Variants in CAMK2G observed in about 807,000 individuals in gnomAD.
CAMK2G encodes the protein calcium/calmodulin dependent protein kinase II gamma.
In CAMK2G, 23 loss-of-function variants were observed where a neutral mutation model predicts 88.7. The observed-to-expected ratio is 0.26, with a 90% CI of 0.19 to 0.37. The LOEUF (loss-of-function observed/expected upper bound fraction) is 0.37, where lower values mean the gene tolerates loss of function less well. Among genes scored for constraint, CAMK2G ranks in the 10% least tolerant of loss-of-function variants. The pLI is 1.00. For missense variants in CAMK2G, 476 were observed against 780.8 expected, an observed-to-expected ratio of 0.61 and a Z score of 4.65; for synonymous variants, 263 against 294.8, an observed-to-expected ratio of 0.89 and a Z score of 1.11.
chr10:73,869,034 GAGA>G (rs2095703505), intron 2 of CAMK2G, among the ~76,000 whole-genome samples: 1 of 152,348 alleles, frequency 6.6e-6, no homozygotes. Flanking sequence ...ACACAATCTG[GAGA>G]AGGATGGGCC....
At chr10:73,831,462 CG>C (rs1565262548) in intron 14 of CAMK2G, among the ~76,000 whole-genome samples, 1 of 147,844 alleles carries the variant, frequency 6.8e-6, no homozygotes, top group Non-Finnish European at 1.5e-5. Flanking sequence ...TGTTTGAACC[CG>C]GGAGGCGGAG....
chr10:73,820,492 A>ATATATATATATATATTT (rs1554995765), intron 18 of CAMK2G, among the ~76,000 whole-genome samples: 1 of 51,052 alleles, frequency 2.0e-5, no homozygotes, highest in Non-Finnish European at 3.4e-5. Flanking sequence ...ATATATATAT[A>ATATATATATATATATTT]TTTTTTTTTT....
Position 73,837,486 on chromosome 10 carries a change from C to A in CAMK2G, c.1035G>T (p.Lys345Asn). 6.2e-7 allele frequency: 1 copy of A among 1,613,864 alleles called. No individual in the cohort carries two copies. Among genetic ancestry groups the A allele is most frequent in the Non-Finnish European group, 8.5e-7 (1 of 1,179,744 alleles). ...GQAAKSLLNK[K>N]SDGGVKKRKS... Reference sequence around the variant, plus strand: ...CACTTACCTTGACACCGCCATCCGACTTCTTGTTCAATAGGCTTTTGGCAG... The same window carrying A: ...CACTTACCTTGACACCGCCATCCGAATTCTTGTTCAATAGGCTTTTGGCAG... The change falls in exon 14 of 23, where the codon AAG becomes AAT. Residue 345 changes from lysine (K) to asparagine (N), a missense_variant. Transcript: ENST00000423381.
At position 73,814,014 on chromosome 10, in the gene CAMK2G, A is replaced by C. The variant is rs1031154188; in HGVS notation, c.*504T>G. On this transcript the variant is annotated 3_prime_UTR_variant, in exon 23 of 23. Coordinates refer to ENST00000423381, the MANE Select transcript of CAMK2G (RefSeq NM_001367534.1). The stretch of plus-strand genomic sequence containing the variant: ...CTAGGCGCCTATGCAAGTTCCAAAG[A>C]AGTTCATTCCTAGACCTGGGGTAAG... The C allele has an allele frequency of 2.0e-5, 3 of 152,522 alleles. No individual in the cohort carries two copies. The highest frequency in any genetic ancestry group is 7.2e-5 in the African/African-American group (3 of 41,428). The allele number at this position is 152,522 out of a possible 1,614,324, so 9.4% of individuals were successfully genotyped here. A position where few individuals can be genotyped will look rare whatever the true frequency, so the allele number is the denominator to read the frequency against.
At position 73,848,827 on chromosome 10, in the gene CAMK2G, C is replaced by T. The variant is rs2094429779; in HGVS notation, c.517+186G>A. Among the ~76,000 whole-genome samples the T allele has an allele frequency of 6.6e-6, 1 of 152,254 alleles. No homozygotes were observed. The highest frequency in any genetic ancestry group is 2.4e-5 in the African/African-American group (1 of 41,468). The stretch of plus-strand genomic sequence containing the variant: ...TGCCTACCAGGAACTCCAGCTCCTT[C>T]CCACAGGCAGCAAGAAAGCAGTGCT... On this transcript the variant is annotated intron_variant, in intron 7 of 22. Transcript: ENST00000423381. The surrounding 1 kb of genome is among the most constrained non-coding windows in gnomAD (Gnocchi z 4.5).
At position 73,820,492 on chromosome 10, in the gene CAMK2G, A is replaced by ATATATTT. The variant is rs1554995765; in HGVS notation, c.1250-848_1250-847insAAATATA. On this transcript the variant is annotated intron_variant, in intron 18 of 22. Coordinates refer to ENST00000423381, the MANE Select transcript of CAMK2G (RefSeq NM_001367534.1). ...TATATATATATATATATATATATAT[A>ATATATTT]TTTTTTTTTTTTTTTTTTTCTTGAG... is the stretch of plus-strand genomic sequence containing the variant. Among the ~76,000 whole-genome samples the ATATATTT allele has an allele frequency of 4.8e-3, 247 of 51,016 alleles. 3 individuals are homozygous for ATATATTT. Among genetic ancestry groups the ATATATTT allele is most frequent in the African/African-American group, 0.011 (121 of 11,260 alleles). 33.5% of individuals were successfully genotyped at this position (51,016 alleles called of 152,430 possible). A position where few individuals can be genotyped will look rare whatever the true frequency, so the allele number is the denominator to read the frequency against.
In CAMK2G at chr10:73,842,081, G is replaced by C; in HGVS notation, c.946+88C>G. On this transcript the variant is annotated intron_variant, in intron 12 of 22. Transcript: ENST00000423381. This position sits in a 1 kb window ranked among gnomAD's most constrained non-coding sequence, Gnocchi z 4.6. ...GTCAAGGTGTGGCCCAGGACGCCGA[G>C]GAAACCCAGCGGTGCCCGGGATGGC... The C allele has an allele frequency of 9.3e-7, 1 of 1,071,126 alleles. No individual in the cohort carries two copies. The highest frequency in any genetic ancestry group is 1.5e-6 in the Non-Finnish European group (1 of 684,914). The allele number at this position is 1,071,126 out of a possible 1,614,324, so 66.4% of individuals were successfully genotyped here.
Position 73,823,015 on chromosome 10 carries a change from C to T in CAMK2G, c.1200+1025G>A, listed in dbSNP as rs147637095. On this transcript the variant is annotated intron_variant, in intron 17 of 22. Coordinates refer to ENST00000423381, the MANE Select transcript of CAMK2G (RefSeq NM_001367534.1). ...TAGCTGGGATTACAGGCATGTGCCA[C>T]CATCCCCAGGTAATTTCTGTATCTT... 4.9e-3 allele frequency among the ~76,000 whole-genome samples: 748 copies of T among 151,946 alleles called. 16 individuals are homozygous for T. The highest frequency in any genetic ancestry group is 0.048 in the East Asian group (247 of 5,128).
At chr10:73,814,795 G>A (rs1456666959) in intron 22 of CAMK2G, 3 of 580,270 alleles carry the variant, frequency 5.2e-6, no homozygotes, top group African/African-American at 3.7e-5. Flanking sequence ...TAACCTGTCT[G>A]AGGTCATCCA....
chr10:73,848,407 A>G lies in CAMK2G; in HGVS notation c.601+119T>C. ...CAGCCATCCCAGGGGCAAACACCAT[A>G]ATTTCACATACACCAGGCACGTGTG... On this transcript the variant is annotated intron_variant, in intron 8 of 22. Transcript: ENST00000423381. The surrounding 1 kb of genome is among the most constrained non-coding windows in gnomAD (Gnocchi z 4.5). 1 of 736,218 alleles carries G rather than the reference A, an allele frequency of 1.4e-6. No homozygotes were observed. Among genetic ancestry groups the G allele is most frequent in the South Asian group, 1.5e-5 (1 of 66,258 alleles). 45.6% of individuals were successfully genotyped at this position (736,218 alleles called of 1,614,324 possible). A position where few individuals can be genotyped will look rare whatever the true frequency, so the allele number is the denominator to read the frequency against.
At chr10:73,830,578 A>G (rs2092276527) in intron 14 of CAMK2G, among the ~76,000 whole-genome samples, 1 of 152,268 alleles carries the variant, frequency 6.6e-6, no homozygotes, top group African/African-American at 2.4e-5. Flanking sequence ...ACTTAGGGAA[A>G]TAACTATAAC....
intron 21 of CAMK2G, chr10:73,815,852 G>A (rs964311047): frequency 1.0e-6 from 1 of 985,352 alleles, no homozygotes; most frequent in African/African-American, 1.7e-5. Context: ...AAGTTGGATT[G>A]CCATTATCAG....
At chr10:73,847,377 G>A (rs2094321383) in intron 9 of CAMK2G, 30 bp from the exon 10 acceptor site, 1 of 1,612,904 alleles carries the variant, frequency 6.2e-7, no homozygotes, top group East Asian at 2.2e-5. Context: ...AGAAGAATGT[G>A]GTATTGGTGA....
chr10:73,854,608 G>A (rs2094889781), intron 3 of CAMK2G, among the ~76,000 whole-genome samples: 1 of 152,152 alleles, frequency 6.6e-6, no homozygotes, highest in South Asian at 2.1e-4. Flanking sequence ...TCAGTGCTAG[G>A]AGACAAAGAA....
chr10:73,854,825 C>T (rs535975773), intron 3 of CAMK2G, among the ~76,000 whole-genome samples: 3 of 152,154 alleles, frequency 2.0e-5, no homozygotes, highest in African/African-American at 4.8e-5. Context: ...CTGAGGACTC[C>T]GAAGCCTGCC....
At chr10:73,819,726 A>G in intron 18 of CAMK2G, 81 bp from the exon 19 acceptor site, 1 of 860,554 alleles carries the variant, frequency 1.2e-6, no homozygotes, top group Non-Finnish European at 1.8e-6. Context: ...CGAGCAAGCC[A>G]GACAGGCCCC....
chr10:73,861,846 A>G (rs1479781654), intron 2 of CAMK2G, among the ~76,000 whole-genome samples: 1 of 152,150 alleles, frequency 6.6e-6, no homozygotes, highest in Non-Finnish European at 1.5e-5. Flanking sequence ...ATAATAGCTA[A>G]CATTTATTGA....
chr10:73,852,133 C>G (rs2094673727), intron 5 of CAMK2G, 121 bp downstream of exon 5: 2 of 743,880 alleles, frequency 2.7e-6, no homozygotes, highest in Non-Finnish European at 4.8e-6. Flanking sequence ...CAGACAAGAG[C>G]TATTCTGATC....
At chr10:73,844,950 CCT>C (rs998261541) in intron 10 of CAMK2G, among the ~76,000 whole-genome samples, 2 of 152,186 alleles carry the variant, frequency 1.3e-5, no homozygotes, top group Non-Finnish European at 1.5e-5. Context: ...ACTGAGACCC[CCT>C]GTTTCTTAGC....
Sources: gnomAD v4.1 joint callset for allele counts (sites outside exome capture counted in the v4.1 genomes callset) on GRCh38, gnomAD v4.1.1 for gene constraint, Gnocchi (gnomAD v3.1) non-coding constraint, MANE v1.5 for transcripts, NCBI Gene and HGNC (gene_info 2026-07-23, HGNC 2026-07-21) for gene names.